CNTNAP2: variants seen among roughly 807,000 people sequenced by gnomAD.
CNTNAP2 encodes contactin-associated protein-like 2.
In CNTNAP2, 98 loss-of-function variants were observed where a neutral mutation model predicts 155.2. The observed-to-expected ratio is 0.63, with a 90% CI of 0.54 to 0.75. The LOEUF (loss-of-function observed/expected upper bound fraction) is 0.75, where lower values mean the gene tolerates loss of function less well. Among genes scored for constraint, CNTNAP2 ranks in the 30% least tolerant of loss-of-function variants. The probability of loss-of-function intolerance (pLI) is 0.00; values close to 1 mark genes in which losing one functional copy is unlikely to be tolerated. For synonymous variants in CNTNAP2, 651 were observed against 631.2 expected, an observed-to-expected ratio of 1.03 and a Z score of -0.47; for missense variants, 1,727 against 1,688.1, an observed-to-expected ratio of 1.02 and a Z score of -0.40.
intron 17 of CNTNAP2, among the ~76,000 whole-genome samples, chr7:148,165,432 C>A (rs535355079): frequency 6.6e-6 from 1 of 152,284 alleles, no homozygotes; most frequent in Admixed American, 6.5e-5. Flanking sequence ...CATAGCACTC[C>A]TGATACCTCT....
chr7:148,266,997 G>T lies in CNTNAP2; in HGVS notation c.3382-36G>T, dbSNP rs779847875. 3.8e-6 allele frequency: 6 copies of T among 1,588,560 alleles called. No individual in the cohort carries two copies. In the Admixed American group the frequency reaches 1.0e-4, roughly 26 times the overall value. Reference sequence around the variant, plus strand: ...ATTTGGTTCCACACAGGGTAGAGACGTGCTTCTAAAAGTGTCTCTTGTTTT... The same window carrying T: ...ATTTGGTTCCACACAGGGTAGAGACTTGCTTCTAAAAGTGTCTCTTGTTTT... On this transcript the variant is annotated intron_variant, in intron 20 of 23. Transcript: ENST00000361727.
intron 16 of CNTNAP2, among the ~76,000 whole-genome samples, chr7:148,129,688 A>C (rs1804787596): frequency 6.6e-6 from 1 of 152,216 alleles, no homozygotes; most frequent in Non-Finnish European, 1.5e-5. Context: ...CTGACCAGAG[A>C]CCAGTCCTTG....
chr7:146,361,506 G>C (rs1364885938), intron 1 of CNTNAP2, among the ~76,000 whole-genome samples: 1 of 152,136 alleles, frequency 6.6e-6, no homozygotes, highest in Non-Finnish European at 1.5e-5. Flanking sequence ...TAGGATTCAA[G>C]TGTTCACTGT....
At chr7:147,101,552 T>A (rs1800653493) in intron 4 of CNTNAP2, among the ~76,000 whole-genome samples, 1 of 152,134 alleles carries the variant, frequency 6.6e-6, no homozygotes. Context: ...CGCAGGTCCT[T>A]GTCTGGCATT....
chr7:147,122,094 T>G (rs1210370062), intron 6 of CNTNAP2: 1 of 152,002 alleles, frequency 6.6e-6, no homozygotes. Context: ...GAGAATCGCT[T>G]GAACCCAGGA....
intron 17 of CNTNAP2, among the ~76,000 whole-genome samples, chr7:148,151,327 A>G (rs1805291635): frequency 6.6e-6 from 1 of 152,090 alleles, no homozygotes; most frequent in African/African-American, 2.4e-5. Context: ...AGTATTTGAG[A>G]CAGGGTCTTT....
At chr7:146,188,525 T>C (rs114799799) in intron 1 of CNTNAP2, among the ~76,000 whole-genome samples, 2,242 of 152,298 alleles carry the variant, frequency 0.015, 61 homozygotes, top group African/African-American at 0.051. Context: ...CGAGTTTCCT[T>C]CTGTGTCCTG....
chr7:146,185,974 A>C (rs1289537075), intron 1 of CNTNAP2, among the ~76,000 whole-genome samples: 3 of 152,014 alleles, frequency 2.0e-5, no homozygotes, highest in African/African-American at 7.2e-5. Context: ...TTATTTATGT[A>C]ATGTATCATA....
chr7:146,524,248 C>T (rs1404479345), intron 1 of CNTNAP2, among the ~76,000 whole-genome samples: 4 of 152,094 alleles, frequency 2.6e-5, no homozygotes, highest in Non-Finnish European at 5.9e-5. Context: ...TTCCTTATCT[C>T]TGGTAAAATA....
intron 13 of CNTNAP2, among the ~76,000 whole-genome samples, chr7:147,834,254 A>G (rs1798599506): frequency 6.6e-6 from 1 of 152,158 alleles, no homozygotes; most frequent in Non-Finnish European, 1.5e-5. Flanking sequence ...AACCCAGCTA[A>G]ATTTTTCCAT....
chr7:146,440,652 G>A (rs372402913), intron 1 of CNTNAP2, among the ~76,000 whole-genome samples: 1 of 151,456 alleles, frequency 6.6e-6, no homozygotes, highest in East Asian at 1.9e-4. Flanking sequence ...ATGCATCTGC[G>A]TAAATATTTC....
At chr7:148,059,590 CAAAAAAA>C (rs200397254) in intron 15 of CNTNAP2, among the ~76,000 whole-genome samples, 2 of 72,754 alleles carry the variant, frequency 2.7e-5, no homozygotes, top group Non-Finnish European at 6.2e-5. Context: ...AACTCTGTCT[CAAAAAAA>C]AAAAAAAAAA....
Position 147,265,208 on chromosome 7 carries a change from T to C in CNTNAP2, c.1349-34933T>C, listed in dbSNP as rs76931326. 2.0e-5 allele frequency among the ~76,000 whole-genome samples: 3 copies of C among 152,300 alleles called. No homozygotes were observed. In the East Asian group the frequency reaches 5.8e-4, roughly 29 times the overall value. On this transcript the variant is annotated intron_variant, in intron 8 of 23. Transcript: ENST00000361727. ...AAAGATTTTTTTTAATTTTATTGTATTTTAAGTTCTCGGATACATGTGCAG... is the reference window on the plus strand; with the variant it reads ...AAAGATTTTTTTTAATTTTATTGTACTTTAAGTTCTCGGATACATGTGCAG...
intron 5 of CNTNAP2, among the ~76,000 whole-genome samples, chr7:147,114,709 ATGT>A (rs558598023): frequency 1.1e-3 from 171 of 152,234 alleles, no homozygotes; most frequent in African/African-American, 3.8e-3. Flanking sequence ...GTGTGTTTGC[ATGT>A]GAGATGGGTC....
chr7:147,199,887 AG>A (rs1161854655), intron 8 of CNTNAP2, among the ~76,000 whole-genome samples: 2 of 152,148 alleles, frequency 1.3e-5, no homozygotes, highest in Admixed American at 1.3e-4. Context: ...TTAGCTAGAG[AG>A]GGTTGTCTTA....
At chr7:146,494,834 C>A (rs1471928806) in intron 1 of CNTNAP2, among the ~76,000 whole-genome samples, 1 of 152,132 alleles carries the variant, frequency 6.6e-6, no homozygotes, top group Non-Finnish European at 1.5e-5. Context: ...TTTTTATTTT[C>A]CCTTCACAAA....
intron 3 of CNTNAP2, among the ~76,000 whole-genome samples, chr7:146,891,209 A>ATTT (rs1795769014): frequency 6.6e-6 from 1 of 152,136 alleles, no homozygotes; most frequent in South Asian, 2.1e-4. Flanking sequence ...ACACTTCAAC[A>ATTT]TAAAGAAGGG....
At chr7:146,175,970 A>G (rs553625067) in intron 1 of CNTNAP2, among the ~76,000 whole-genome samples, 2 of 152,338 alleles carry the variant, frequency 1.3e-5, no homozygotes, top group South Asian at 4.1e-4. Flanking sequence ...AAAGTACAGA[A>G]AAATGAAAAG....
At chr7:146,675,157 A>T (rs1041845839) in intron 1 of CNTNAP2, among the ~76,000 whole-genome samples, 1 of 135,788 alleles carries the variant, frequency 7.4e-6, no homozygotes, top group Non-Finnish European at 1.6e-5. Context: ...GTAGGTATCC[A>T]GTAGATGTTT....
Sources: allele counts gnomAD v4.1 joint callset (sites outside exome capture counted in the v4.1 genomes callset), GRCh38; gene constraint gnomAD v4.1.1; transcripts MANE v1.5; gene names NCBI Gene and HGNC (gene_info 2026-07-23, HGNC 2026-07-21).